Variants in TMEM132E observed in about 807,000 individuals in gnomAD.
TMEM132E encodes the protein transmembrane protein 132E.
In TMEM132E, 49 loss-of-function variants were observed where a neutral mutation model predicts 78.5. The observed-to-expected ratio is 0.62, with a 90% CI of 0.50 to 0.79. The LOEUF (loss-of-function observed/expected upper bound fraction) is 0.79. Among genes scored for constraint, TMEM132E ranks in the 30% least tolerant of loss-of-function variants. TMEM132E has a pLI of 0.00. For synonymous variants in TMEM132E, 715 were observed against 670.6 expected, an observed-to-expected ratio of 1.07 and a Z score of -1.02; for missense variants, 1,403 against 1,470.9, an observed-to-expected ratio of 0.95 and a Z score of 0.75.
chr17:34,613,197 CCACACA>C (rs56682554), intron 1 of TMEM132E, among the ~76,000 whole-genome samples: 1 of 131,064 alleles, frequency 7.6e-6, no homozygotes, highest in Non-Finnish European at 1.6e-5. Context: ...ACACACACAC[CCACACA>C]CACACACACG....
intron 1 of TMEM132E, among the ~76,000 whole-genome samples, chr17:34,593,117 G>A (rs1905932753): frequency 6.6e-6 from 1 of 151,178 alleles, no homozygotes; most frequent in Admixed American, 6.6e-5. Flanking sequence ...ATTTCAACAT[G>A]TAATCAGGGC....
chr17:34,594,483 C>T lies in TMEM132E; in HGVS notation c.67+13340C>T, dbSNP rs563093414. Among the ~76,000 whole-genome samples, 156 of 152,204 alleles carry T rather than the reference C, an allele frequency of 1.0e-3. 1 individual carries two copies. The highest frequency in any genetic ancestry group is 2.0e-3 in the Non-Finnish European group (136 of 68,042). ...TTATAAAATGGGATAATAAGAGTGC[C>T]TTTCTCATAGAGTTGCTGTAATGAA... On this transcript the variant is annotated intron_variant, in intron 1 of 8. Transcript: ENST00000631683.
chr17:34,603,914 C>G (rs1455474438), intron 1 of TMEM132E, among the ~76,000 whole-genome samples: 1 of 152,136 alleles, frequency 6.6e-6, no homozygotes, highest in Non-Finnish European at 1.5e-5. Context: ...AGGCCTGGTC[C>G]CTTCTTTCAT....
At chr17:34,629,951 T>G (rs1597691578) in intron 4 of TMEM132E, 57 bp from the exon 5 acceptor site, 4 of 1,530,782 alleles carry the variant, frequency 2.6e-6, no homozygotes, top group Non-Finnish European at 2.6e-6. Flanking sequence ...CCTTGGCTAG[T>G]GTGTCCCAGG....
intron 1 of TMEM132E, among the ~76,000 whole-genome samples, chr17:34,621,651 C>A (rs1242877936): frequency 6.6e-6 from 1 of 152,128 alleles, no homozygotes; most frequent in East Asian, 1.9e-4. Context: ...CAAGTCAGAG[C>A]CCAGGTCATC....
chr17:34,621,025 G>C (rs1906943274), intron 1 of TMEM132E, among the ~76,000 whole-genome samples: 1 of 152,216 alleles, frequency 6.6e-6, no homozygotes, highest in African/African-American at 2.4e-5. Flanking sequence ...GGGGAGGCTG[G>C]GGAGAGCTGG....
At chr17:34,609,609 T>C (rs536770156) in intron 1 of TMEM132E, among the ~76,000 whole-genome samples, 7 of 152,196 alleles carry the variant, frequency 4.6e-5, no homozygotes, top group Non-Finnish European at 1.0e-4. Context: ...TGTGTGGATG[T>C]GGAGGAGACA....
At chr17:34,609,525 A>G (rs1315730159) in intron 1 of TMEM132E, among the ~76,000 whole-genome samples, 4 of 152,138 alleles carry the variant, frequency 2.6e-5, no homozygotes, top group Non-Finnish European at 5.9e-5. Context: ...CTCTCGCCCT[A>G]TGCACCAGCC....
Position 34,634,809 on chromosome 17 carries a change from G to T in TMEM132E, c.1699G>T (p.Glu567Ter). 6.2e-7 allele frequency: 1 copy of T among 1,613,152 alleles called. No homozygotes were observed. Among genetic ancestry groups the T allele is most frequent in the Non-Finnish European group, 8.5e-7 (1 of 1,179,544 alleles). The change falls in exon 7 of 9, where the codon GAA (glutamate) becomes TAA (stop). Residue 567 changes from glutamate (E) to a stop codon, truncating the protein, a stop_gained. Coordinates refer to ENST00000631683, the MANE Select transcript of TMEM132E (RefSeq NM_001304438.2). LOFTEE classifies it high-confidence loss of function. Reference protein sequence around the residue: ...PILPDRRSVRESEDEDEEEEE... With the variant: ...PILPDRRSVR ...ATGTCCCCACCCCAGGTCAGTCCGGGAAAGCGAGGATGAGGATGAGGAGGA... is the reference window on the plus strand; with the variant it reads ...ATGTCCCCACCCCAGGTCAGTCCGGTAAAGCGAGGATGAGGATGAGGAGGA...
rs924430062 is a variant in TMEM132E at position 34,583,728 on chromosome 17, C to G, written c.67+2585C>G. Among the ~76,000 whole-genome samples the G allele has an allele frequency of 7.2e-5, 11 of 152,344 alleles. 1 individual carries two copies. In the South Asian group the frequency reaches 2.3e-3, roughly 32 times the overall value. ...TCAGTCTGACTCTGGCGCCACCGGG[C>G]AGGGTGACCTTGGGCTGCCTCCCTC... On this transcript the variant is annotated intron_variant, in intron 1 of 8. Coordinates refer to ENST00000631683, the MANE Select transcript of TMEM132E (RefSeq NM_001304438.2).
Position 34,637,584 on chromosome 17 carries a change from C to T in TMEM132E, c.2577C>T (p.Thr859=), listed in dbSNP as rs1195542080. ...CACCGGAGGCTCCAGGCCCGGGCAC[C>T]GCCAGCCCCGTCGTGCCACCCACAG... The part of the protein sequence containing the change: ...LPAPEAPGPG[T]ASPVVPPTED... The change falls in exon 9 of 9, where the codon ACC becomes ACT. Residue 859 remains threonine (T), a synonymous_variant. Transcript: ENST00000631683. The T allele has an allele frequency of 2.5e-6, 4 of 1,600,394 alleles. No individual in the cohort carries two copies. In the South Asian group the frequency reaches 3.3e-5, roughly 13 times the overall value.
chr17:34,632,743 G>A lies in TMEM132E; in HGVS notation c.1522G>A (p.Glu508Lys). 4 of 1,614,198 alleles carry A rather than the reference G, an allele frequency of 2.5e-6. No individual in the cohort carries two copies. Among genetic ancestry groups the A allele is most frequent in the Non-Finnish European group, 3.4e-6 (4 of 1,180,036 alleles). Residue 508 changes from glutamate (E) to lysine (K), a missense_variant, in exon 6 of 9, where the codon GAG becomes AAG. Physicochemically the swap from Glu to Lys is moderately conservative, Grantham distance 56. Transcript: ENST00000631683. ...TGACTACGTGTTTGTGAGTGGAAAA[G>A]AGTCTCGAGGGTCCATGAACGCCAG... is the stretch of plus-strand genomic sequence containing the variant. ...SCDYVFVSGK[E>K]SRGSMNARVT...
At chr17:34,596,889 A>G (rs955957808) in intron 1 of TMEM132E, among the ~76,000 whole-genome samples, 1 of 150,948 alleles carries the variant, frequency 6.6e-6, no homozygotes, top group Non-Finnish European at 1.5e-5. Flanking sequence ...AGAAAGAAAT[A>G]ATAATAACTC....
chr17:34,625,666 G>A (rs1165030859), intron 1 of TMEM132E, among the ~76,000 whole-genome samples: 2 of 152,142 alleles, frequency 1.3e-5, no homozygotes, highest in East Asian at 1.9e-4. Context: ...CACACGGAGC[G>A]CAGTGCAGGA....
intron 1 of TMEM132E, among the ~76,000 whole-genome samples, chr17:34,624,564 G>T (rs1907062518): frequency 6.6e-6 from 1 of 152,206 alleles, no homozygotes; most frequent in Admixed American, 6.5e-5. Flanking sequence ...GATATGCACA[G>T]ATAGGAAAGG....
chr17:34,591,530 C>T (rs1277194248), intron 1 of TMEM132E, among the ~76,000 whole-genome samples: 2 of 152,216 alleles, frequency 1.3e-5, no homozygotes, highest in East Asian at 3.8e-4. Flanking sequence ...AGTCTGGCCT[C>T]GAACTTCTAG....
chr17:34,581,594 C>G (rs953025439), intron 1 of TMEM132E, among the ~76,000 whole-genome samples: 5 of 150,582 alleles, frequency 3.3e-5, no homozygotes, highest in African/African-American at 4.9e-5. Flanking sequence ...CCGCGCCGCC[C>G]GTCGCCTCGC....
chr17:34,620,409 C>T (rs1224661257), intron 1 of TMEM132E, among the ~76,000 whole-genome samples: 3 of 152,236 alleles, frequency 2.0e-5, no homozygotes, highest in Non-Finnish European at 4.4e-5. Context: ...GTGTTCAGGG[C>T]CCACCGGGCC....
chr17:34,628,569 G>A lies in TMEM132E; in HGVS notation c.1005G>A (p.Lys335=), dbSNP rs1410333812. Residue 335 remains lysine (K), a synonymous_variant, in exon 3 of 9, where the codon AAG becomes AAA. Coordinates refer to ENST00000631683, the MANE Select transcript of TMEM132E (RefSeq NM_001304438.2). ...TCCTCCCACTTTGTCCCAGGGTGAA[G>A]GCCAAGAAGGGTGTGACCCTTTTAG... ...PSVEHFTLRV[K]AKKGVTLLGT... The A allele has an allele frequency of 1.2e-6, 2 of 1,613,894 alleles. No individual in the cohort carries two copies. The highest frequency in any genetic ancestry group is 1.7e-6 in the Non-Finnish European group (2 of 1,179,914).
Sources: gnomAD v4.1 joint callset for allele counts (sites outside exome capture counted in the v4.1 genomes callset) on GRCh38, gnomAD v4.1.1 for gene constraint, MANE v1.5 for transcripts, NCBI Gene and HGNC (gene_info 2026-07-23, HGNC 2026-07-21) for gene names.